Variants in GALNT18 observed in about 807,000 individuals in gnomAD.
The protein encoded by GALNT18 is polypeptide N-acetylgalactosaminyltransferase 18.
In GALNT18, 44 loss-of-function variants were observed where a neutral mutation model predicts 69.5. The ratio of observed to expected loss-of-function variants is 0.63; its 90% CI spans 0.50 to 0.81. GALNT18 has a LOEUF of 0.81. GALNT18 is among the 40% of genes least tolerant of loss of function. The pLI is 0.00. For synonymous variants in GALNT18, 364 were observed against 318.2 expected (o/e 1.14, Z -1.53); for missense variants, 715 against 810.0 (o/e 0.88, Z 1.42).
intron 10 of GALNT18, among the ~76,000 whole-genome samples, chr11:11,289,016 C>T (rs537914754): frequency 2.9e-4 from 44 of 152,220 alleles, no homozygotes; most frequent in African/African-American, 7.9e-4. Context: ...CCTTTCAGCC[C>T]AACTTGAGTA....
Position 11,538,313 on chromosome 11 carries a change from A to C in GALNT18, c.235+83046T>G, listed in dbSNP as rs1245644578. On this transcript the variant is annotated intron_variant, in intron 1 of 10. Coordinates refer to ENST00000227756, the MANE Select transcript of GALNT18 (RefSeq NM_198516.3). The surrounding 1 kb of genome is among the most constrained non-coding windows in gnomAD (Gnocchi z 5.2). ...TATGATGGGGCTGGGAAGGCCACTC[A>C]CTAAGGCCAGGGTGTCCTTTACTTG... 6.6e-6 allele frequency among the ~76,000 whole-genome samples: 1 copy of C among 152,196 alleles called. No homozygotes were observed. Among genetic ancestry groups the C allele is most frequent in the Admixed American group, 6.5e-5 (1 of 15,286 alleles).
intron 1 of GALNT18, among the ~76,000 whole-genome samples, chr11:11,529,783 T>C (rs1857602646): frequency 6.6e-6 from 1 of 152,178 alleles, no homozygotes; most frequent in Non-Finnish European, 1.5e-5. Context: ...TGAATGTGTG[T>C]ATGTCTGTGA....
intron 1 of GALNT18, among the ~76,000 whole-genome samples, chr11:11,527,545 G>A (rs947614551): frequency 7.9e-5 from 12 of 152,104 alleles, no homozygotes; most frequent in Non-Finnish European, 1.8e-4. Flanking sequence ...CTGCCACCAA[G>A]GTTCACCAAT....
At chr11:11,358,667 C>T (rs1462557248) in intron 6 of GALNT18, among the ~76,000 whole-genome samples, 2 of 139,904 alleles carry the variant, frequency 1.4e-5, no homozygotes, top group Non-Finnish European at 3.2e-5. Flanking sequence ...TTCTTGGTCT[C>T]AGAAGACCAC....
rs764541148 is a variant in GALNT18 at position 11,355,090 on chromosome 11, G to C, written c.1093-14086C>G. On this transcript the variant is annotated intron_variant, in intron 6 of 10. Transcript: ENST00000227756. ...AGAGCCTCTTCCCTGGTCTTTCTGCGTTGTCGTGTTGCCCTTCAATCCGTA... is the reference window on the plus strand; with the variant it reads ...AGAGCCTCTTCCCTGGTCTTTCTGCCTTGTCGTGTTGCCCTTCAATCCGTA... 5.2e-4 allele frequency among the ~76,000 whole-genome samples: 79 copies of C among 152,214 alleles called. 1 individual carries two copies. The highest frequency in any genetic ancestry group is 5.7e-4 in the Non-Finnish European group (39 of 68,022).
At chr11:11,503,764 T>C (rs1857017422) in intron 1 of GALNT18, among the ~76,000 whole-genome samples, 1 of 152,254 alleles carries the variant, frequency 6.6e-6, no homozygotes, top group African/African-American at 2.4e-5. Context: ...ATCATCTTTT[T>C]TCCCCTTTTT....
At position 11,377,512 on chromosome 11, in the gene GALNT18, C is replaced by T. The variant is rs900259514; in HGVS notation, c.780-133G>A. ...GCCCATCTCCTCTGATGGAGAGGTG[C>T]ACTGCCTTCTGGGAAGGAGCTCCTA... On this transcript the variant is annotated intron_variant, in intron 4 of 10. Coordinates refer to ENST00000227756, the MANE Select transcript of GALNT18 (RefSeq NM_198516.3). This position sits in a 1 kb window ranked among gnomAD's most constrained non-coding sequence, Gnocchi z 4.6. 2.7e-6 allele frequency: 2 copies of T among 741,494 alleles called. No individual in the cohort carries two copies. The highest frequency in any genetic ancestry group is 1.8e-5 in the African/African-American group (1 of 57,022). 45.9% of individuals were successfully genotyped at this position (741,494 alleles called of 1,614,324 possible).
intron 1 of GALNT18, among the ~76,000 whole-genome samples, chr11:11,488,546 T>C (rs1856690816): frequency 6.6e-6 from 1 of 152,142 alleles, no homozygotes; most frequent in Non-Finnish European, 1.5e-5. Context: ...GTGGACCTCT[T>C]TGGGGGCCAT....
chr11:11,397,063 C>T (rs1040251079), intron 3 of GALNT18, among the ~76,000 whole-genome samples: 5 of 152,202 alleles, frequency 3.3e-5, no homozygotes, highest in South Asian at 2.1e-4. Context: ...CATACACAGA[C>T]CCCCTTTTGC....
At chr11:11,277,706 G>T (rs1389511070) in intron 10 of GALNT18, among the ~76,000 whole-genome samples, 2 of 152,134 alleles carry the variant, frequency 1.3e-5, no homozygotes, top group African/African-American at 2.4e-5. Flanking sequence ...TTGTGTCTTT[G>T]TTCTCATTGG....
chr11:11,328,628 A>G (rs992485107), intron 8 of GALNT18, among the ~76,000 whole-genome samples: 4 of 152,138 alleles, frequency 2.6e-5, no homozygotes, highest in Admixed American at 6.5e-5. Flanking sequence ...TTAATCCCAA[A>G]CTTGCAGTTC....
chr11:11,289,684 T>TACTCCA (rs1158815255), intron 10 of GALNT18, among the ~76,000 whole-genome samples: 1 of 152,138 alleles, frequency 6.6e-6, no homozygotes, highest in Non-Finnish European at 1.5e-5. Flanking sequence ...GAGACTGAGT[T>TACTCCA]ACTCCAGTGG....
Position 11,332,697 on chromosome 11 carries a change from T to C in GALNT18, c.1413A>G (p.Gly471=). The C allele has an allele frequency of 1.2e-6, 2 of 1,614,070 alleles. No homozygotes were observed. Among genetic ancestry groups the C allele is most frequent in the Non-Finnish European group, 1.7e-6 (2 of 1,179,990 alleles). The change falls in exon 8 of 11, where the codon GGA becomes GGG. Residue 471 remains glycine, a synonymous_variant. Coordinates refer to ENST00000227756, the MANE Select transcript of GALNT18 (RefSeq NM_198516.3). The surrounding 1 kb of genome is among the most constrained non-coding windows in gnomAD (Gnocchi z 4.3). ...CCGGAGGAGGCCAGCTCCTTACCAC[T>C]CCATAGGCAATGATGTCGGAGTACA... is the stretch of plus-strand genomic sequence containing the variant. ...MRMYSDIIAY[G]VLQNSLKTDL... is the part of the protein sequence containing the mutation.
intron 6 of GALNT18, among the ~76,000 whole-genome samples, chr11:11,342,746 G>GC (rs927884260): frequency 2.0e-5 from 3 of 152,198 alleles, no homozygotes; most frequent in Non-Finnish European, 2.9e-5. Context: ...AACAGGGCTG[G>GC]CCATGAGACT....
Position 11,318,537 on chromosome 11 carries a change from T to C in GALNT18, c.1512+8549A>G, listed in dbSNP as rs1443275385. ...GGGAGCTTGGCCCTGCTGAGACCGATCTCGAACTTCTAGGCTTCAGAATTG... is the reference window on the plus strand; with the variant it reads ...GGGAGCTTGGCCCTGCTGAGACCGACCTCGAACTTCTAGGCTTCAGAATTG... On this transcript the variant is annotated intron_variant, in intron 9 of 10. Coordinates refer to ENST00000227756, the MANE Select transcript of GALNT18 (RefSeq NM_198516.3). This position sits in a 1 kb window ranked among gnomAD's most constrained non-coding sequence, Gnocchi z 5.1. 6.6e-6 allele frequency among the ~76,000 whole-genome samples: 1 copy of C among 152,138 alleles called. No individual in the cohort carries two copies. Among genetic ancestry groups the C allele is most frequent in the Non-Finnish European group, 1.5e-5 (1 of 68,030 alleles).
Position 11,367,199 on chromosome 11 carries a change from A to T in GALNT18, c.1092+5316T>A, listed in dbSNP as rs545341669. On this transcript the variant is annotated intron_variant, in intron 6 of 10. Coordinates refer to ENST00000227756, the MANE Select transcript of GALNT18 (RefSeq NM_198516.3). Reference sequence around the variant, plus strand: ...ATGAGGCTTAGAAGAAGCAGTTAAAAGGGGCAAGCTGGCACTAGGGAATGA... The same window carrying T: ...ATGAGGCTTAGAAGAAGCAGTTAAATGGGGCAAGCTGGCACTAGGGAATGA... Among the ~76,000 whole-genome samples the T allele has an allele frequency of 3.3e-5, 5 of 152,284 alleles. No individual in the cohort carries two copies. In the South Asian group the frequency reaches 1.0e-3, roughly 32 times the overall value.
chr11:11,400,182 C>T lies in GALNT18; in HGVS notation c.596-20918G>A, dbSNP rs188320624. On this transcript the variant is annotated intron_variant, in intron 3 of 10. Coordinates refer to ENST00000227756, the MANE Select transcript of GALNT18 (RefSeq NM_198516.3). ...TGAGAAAAGATCCACACAGACCATC[C>T]AGGCCCAGTCAAACCTTCTGATGAC... 1.0e-3 allele frequency among the ~76,000 whole-genome samples: 157 copies of T among 152,248 alleles called. 2 individuals carry two copies. Among genetic ancestry groups the T allele is most frequent in the Non-Finnish European group, 1.5e-4 (10 of 68,012 alleles).
intron 10 of GALNT18, among the ~76,000 whole-genome samples, chr11:11,273,546 A>G (rs1411751759): frequency 2.0e-5 from 3 of 152,196 alleles, no homozygotes; most frequent in African/African-American, 4.8e-5. Flanking sequence ...GCAATAATAA[A>G]TGCTGGTGAG....
intron 1 of GALNT18, among the ~76,000 whole-genome samples, chr11:11,544,185 G>A (rs1857991290): frequency 6.6e-6 from 1 of 152,162 alleles, no homozygotes; most frequent in Admixed American, 6.5e-5. Context: ...AACTCTGGAT[G>A]GTAGCCACAG....
Sources: allele counts gnomAD v4.1 joint callset (sites outside exome capture counted in the v4.1 genomes callset), GRCh38; gene constraint gnomAD v4.1.1; non-coding constraint Gnocchi (gnomAD v3.1); transcripts MANE v1.5; gene names NCBI Gene and HGNC (gene_info 2026-07-23, HGNC 2026-07-21).